The following BFSP1 variants were observed in gnomAD, a reference collection of about 807,000 sequenced individuals.
The protein encoded by BFSP1 is filensin.
In BFSP1, 38 loss-of-function variants were observed where a neutral mutation model predicts 43.9. The ratio of observed to expected loss-of-function variants is 0.87; its 90% CI spans 0.67 to 1.14. BFSP1 has a LOEUF of 1.14. Among genes scored for constraint, BFSP1 ranks in the 50% most tolerant of loss-of-function variants. BFSP1 has a pLI of 0.00. For synonymous variants in BFSP1, 352 were observed against 354.8 expected (o/e 0.99, Z 0.09); for missense variants, 850 against 875.1 (o/e 0.97, Z 0.36).
Position 17,494,695 on chromosome 20 carries a change from C to G in BFSP1, c.1377G>C (p.Glu459Asp). 6.2e-7 allele frequency: 1 copy of G among 1,613,300 alleles called. No homozygotes were observed. Among genetic ancestry groups the G allele is most frequent in the East Asian group, 2.2e-5 (1 of 44,846 alleles). Residue 459 changes from glutamate (E) to aspartate (D), a missense_variant, in exon 8 of 8, where the codon GAG becomes GAC. Transcript: ENST00000377873. ...CTTTGGTGTAGAGCTCAGTGGGGGTCTCAGGCTCTTTGGGGCTTCTCACTT... is the reference window on the plus strand; with the variant it reads ...CTTTGGTGTAGAGCTCAGTGGGGGTGTCAGGCTCTTTGGGGCTTCTCACTT... ...KEKVRSPKEPETPTELYTKER... is the reference protein window; with the variant it reads ...KEKVRSPKEPDTPTELYTKER...
intron 1 of BFSP1, among the ~76,000 whole-genome samples, chr20:17,546,341 C>T (rs747805612): frequency 2.0e-5 from 3 of 152,076 alleles, no homozygotes; most frequent in South Asian, 2.1e-4. Flanking sequence ...ATGGAGAAAC[C>T]GCCGCCATAA....
chr20:17,558,523 A>C (rs6044883), intron 1 of BFSP1, among the ~76,000 whole-genome samples: 3 of 152,250 alleles, frequency 2.0e-5, no homozygotes, highest in Admixed American at 6.5e-5. Flanking sequence ...TCAGACTACT[A>C]CTGAGCCAAT....
intron 1 of BFSP1, among the ~76,000 whole-genome samples, chr20:17,568,408 C>A (rs747074306): frequency 1.3e-5 from 2 of 151,952 alleles, no homozygotes; most frequent in Non-Finnish European, 2.9e-5. Flanking sequence ...GTAAGGGCCA[C>A]AGGGTCCTAG....
At chr20:17,533,152 C>T (rs757966822), upstream of BFSP1, among the ~76,000 whole-genome samples, 3 of 151,882 alleles carry the variant, frequency 2.0e-5, no homozygotes, top group Non-Finnish European at 2.9e-5. Flanking sequence ...GAGTTCAAGA[C>T]GAGCCTTGGC....
chr20:17,514,405 G>A lies in BFSP1; in HGVS notation c.534+316C>T, dbSNP rs2034153665. 2.0e-5 allele frequency among the ~76,000 whole-genome samples: 3 copies of A among 152,278 alleles called. No homozygotes were observed. In the South Asian group the frequency reaches 6.2e-4, roughly 32 times the overall value. ...AACAAGACTTTTTCATGTATTTTCTGAGCGGAAACAGTTGATGGACTGTAG... is the reference window on the plus strand; with the variant it reads ...AACAAGACTTTTTCATGTATTTTCTAAGCGGAAACAGTTGATGGACTGTAG... On this transcript the variant is annotated intron_variant, in intron 3 of 7. Transcript: ENST00000377873.
chr20:17,525,689 A>ATGACCCCTCCCCTTGTTCCCTATAAGG lies in BFSP1; in HGVS notation c.378-808_378-782dup, dbSNP rs2034405161. On this transcript the variant is annotated intron_variant, in intron 1 of 7. Transcript: ENST00000377873. This position sits in a 1 kb window ranked among gnomAD's most constrained non-coding sequence, Gnocchi z 4.2. ...CTAAAGAGAGAAGATTCCTTCCTAA[A>ATGACCCCTCCCCTTGTTCCCTATAAGG]TGACCCCTCCCCTTGTTCCCTATAA... Among the ~76,000 whole-genome samples the ATGACCCCTCCCCTTGTTCCCTATAAGG allele has an allele frequency of 6.6e-6, 1 of 152,116 alleles. No homozygotes were observed. The highest frequency in any genetic ancestry group is 2.1e-4 in the South Asian group (1 of 4,820).
At chr20:17,566,446 G>A (rs1443896197) in intron 1 of BFSP1, among the ~76,000 whole-genome samples, 5 of 152,322 alleles carry the variant, frequency 3.3e-5, no homozygotes, top group African/African-American at 9.6e-5. Context: ...GAGACCTTAT[G>A]TGTCTTAGTC....
intron 1 of BFSP1, among the ~76,000 whole-genome samples, chr20:17,539,020 A>G (rs537151011): frequency 6.6e-6 from 1 of 151,928 alleles, no homozygotes; most frequent in South Asian, 2.1e-4. Flanking sequence ...TCCTAAAAAG[A>G]AGGATGTTCC....
At chr20:17,547,274 G>A (rs1306059942) in intron 1 of BFSP1, among the ~76,000 whole-genome samples, 1 of 152,046 alleles carries the variant, frequency 6.6e-6, no homozygotes, top group Non-Finnish European at 1.5e-5. Context: ...AATTCCCCCA[G>A]AGAGATTTCA....
At chr20:17,547,897 A>ATTTTTTTTTTTTTTTTTTTTTT (rs71192391) in intron 1 of BFSP1, among the ~76,000 whole-genome samples, 2 of 101,896 alleles carry the variant, frequency 2.0e-5, no homozygotes, top group Non-Finnish European at 1.8e-5. Context: ...TGCCCGGCCA[A>ATTTTTTTTTTTTTTTTTTTTTT]TTTTTTTTTT....
intron 5 of BFSP1, among the ~76,000 whole-genome samples, chr20:17,503,737 G>A (rs1008589065): frequency 2.0e-5 from 3 of 152,122 alleles, no homozygotes; most frequent in Admixed American, 6.5e-5. Flanking sequence ...ACACACGTGC[G>A]TGCACACACA....
chr20:17,563,723 G>A (rs1000697244), upstream of BFSP1, among the ~76,000 whole-genome samples: 11 of 151,596 alleles, frequency 7.3e-5, no homozygotes, highest in South Asian at 2.3e-3. Flanking sequence ...TTCCACACAC[G>A]AAATATTTAA....
intron 1 of BFSP1, among the ~76,000 whole-genome samples, chr20:17,553,872 C>CATATATATATATACACACATATAT (rs2034946987): frequency 4.8e-5 from 3 of 63,020 alleles, no homozygotes; most frequent in Non-Finnish European, 1.0e-4. Context: ...CATATATATA[C>CATATATATATATACACACATATAT]ATATATATAT....
chr20:17,495,014 A>G lies in BFSP1; in HGVS notation c.1058T>C (p.Leu353Pro), dbSNP rs752763881. 6.2e-7 allele frequency: 1 copy of G among 1,612,148 alleles called. No individual in the cohort carries two copies. Among genetic ancestry groups the G allele is most frequent in the Non-Finnish European group, 8.5e-7 (1 of 1,179,426 alleles). ...GSGGKDLTRA[L>P]QDITAAKPRQ... is the part of the protein sequence containing the mutation. ...TGGTTTTGCTGCTGTTATATCCTGC[A>G]GAGCTCTGGTAAGATCTGGAAAAAC... The change falls in exon 8 of 8, where the codon CTG (leucine) becomes CCG (proline). Residue 353 changes from leucine to proline, a missense_variant. Transcript: ENST00000377873.
chr20:17,503,685 G>A (rs2033859549), intron 5 of BFSP1, among the ~76,000 whole-genome samples: 2 of 152,312 alleles, frequency 1.3e-5, no homozygotes, highest in South Asian at 4.1e-4. Context: ...CCCTTGCCCT[G>A]CACCTCAGCC....
chr20:17,530,635 C>G (rs2034513196), intron 1 of BFSP1, among the ~76,000 whole-genome samples: 1 of 152,238 alleles, frequency 6.6e-6, no homozygotes, highest in Admixed American at 6.5e-5. Flanking sequence ...TTCGTGGTAA[C>G]ACGGGTATAT....
Position 17,512,086 on chromosome 20 carries a change from A to T in BFSP1, c.535-18T>A. The T allele has an allele frequency of 6.4e-7, 1 of 1,568,692 alleles. No individual in the cohort carries two copies. The highest frequency in any genetic ancestry group is 8.8e-7 in the Non-Finnish European group (1 of 1,139,152). ...AGAAGATTCTGTTGGGGGAGGGAAAACATTCTCATTATAAGTTGAGCTGCG... is the reference window on the plus strand; with the variant it reads ...AGAAGATTCTGTTGGGGGAGGGAAATCATTCTCATTATAAGTTGAGCTGCG... On this transcript the variant is annotated intron_variant, in intron 3 of 7. Coordinates refer to ENST00000377873, the MANE Select transcript of BFSP1 (RefSeq NM_001195.5).
chr20:17,518,780 G>A (rs892566538), intron 2 of BFSP1, among the ~76,000 whole-genome samples: 3 of 152,192 alleles, frequency 2.0e-5, no homozygotes, highest in Non-Finnish European at 4.4e-5. Flanking sequence ...CAGGAGTCAA[G>A]GACCTGTCCT....
At chr20:17,514,409 G>A (rs192807994) in intron 3 of BFSP1, among the ~76,000 whole-genome samples, 48 of 152,246 alleles carry the variant, frequency 3.2e-4, no homozygotes, top group East Asian at 1.9e-4. Context: ...TTTTCTGAGC[G>A]GAAACAGTTG....
Sources: gnomAD v4.1 joint callset for allele counts (sites outside exome capture counted in the v4.1 genomes callset) on GRCh38, gnomAD v4.1.1 for gene constraint, Gnocchi (gnomAD v3.1) non-coding constraint, MANE v1.5 for transcripts, NCBI Gene and HGNC (gene_info 2026-07-23, HGNC 2026-07-21) for gene names.